The following PATJ variants were observed in gnomAD, a reference collection of about 807,000 sequenced individuals.
PATJ encodes the protein inaD-like protein.
PATJ carries 190 observed loss-of-function variants against 224.9 expected under a neutral mutation model. The ratio of observed to expected loss-of-function variants is 0.84; its 90% CI spans 0.75 to 0.95. PATJ has a LOEUF of 0.95. Among genes scored for constraint, PATJ ranks in the 40% least tolerant of loss-of-function variants. The pLI, the probability that PATJ is intolerant of heterozygous loss-of-function variation, is 0.00. For missense variants in PATJ, 2,121 were observed against 2,270.3 expected (o/e 0.93, Z 1.34); for synonymous variants, 769 against 820.3 (o/e 0.94, Z 1.07).
chr1:62,021,585 T>G (rs1647085503), intron 29 of PATJ, among the ~76,000 whole-genome samples: 1 of 152,200 alleles, frequency 6.6e-6, no homozygotes, highest in Non-Finnish European at 1.5e-5. Flanking sequence ...ATTTTGTGGA[T>G]TAAAAATATA....
intron 30 of PATJ, chr1:62,038,901 A>G: frequency 1.1e-6 from 1 of 885,838 alleles, no homozygotes; most frequent in Middle Eastern, 3.1e-4. Context: ...CCATTGTTGG[A>G]GTCCTGTGCA....
In PATJ at chr1:61,822,571, T is replaced by G. The variant is rs554107202; in HGVS notation, c.1684-374T>G. On this transcript the variant is annotated intron_variant, in intron 14 of 43. Transcript: ENST00000642238. ...TTCCTGCCATGGTATTTAGTGTGAGTAGAAGTTAATTAGATAATAAAGAAA... is the reference window on the plus strand; with the variant it reads ...TTCCTGCCATGGTATTTAGTGTGAGGAGAAGTTAATTAGATAATAAAGAAA... 6.6e-5 allele frequency among the ~76,000 whole-genome samples: 10 copies of G among 151,728 alleles called. No individual in the cohort carries two copies. In the East Asian group the frequency reaches 1.9e-3, roughly 29 times the overall value.
intron 16 of PATJ, among the ~76,000 whole-genome samples, chr1:61,827,803 A>G (rs915257798): frequency 2.0e-5 from 3 of 152,166 alleles, no homozygotes; most frequent in Non-Finnish European, 4.4e-5. Flanking sequence ...ATTGATGCAC[A>G]TGGATTTTGA....
chr1:61,896,888 C>T (rs1197687497), intron 22 of PATJ, among the ~76,000 whole-genome samples: 1 of 152,132 alleles, frequency 6.6e-6, no homozygotes, highest in Non-Finnish European at 1.5e-5. Flanking sequence ...TGAAGCTTCC[C>T]CAGCCATGTG....
At chr1:62,144,777 A>AAAAAAATATATATATATATATATATAT (rs377489788) in intron 41 of PATJ, among the ~76,000 whole-genome samples, 2 of 119,098 alleles carry the variant, frequency 1.7e-5, no homozygotes, top group Non-Finnish European at 3.3e-5. Flanking sequence ...AAAAAAAAAA[A>AAAAAAATATATATATATATATATATAT]ATATATATAT....
intron 5 of PATJ, 98 bp downstream of exon 5, chr1:61,769,520 G>GT: frequency 1.5e-6 from 2 of 1,322,140 alleles, no homozygotes; most frequent in Non-Finnish European, 2.1e-6. Flanking sequence ...AACAGTAACA[G>GT]TAACAGCTAA....
In PATJ at chr1:62,101,313, G is replaced by T. The variant is rs1386533645; in HGVS notation, c.4378-7124G>T. ...GAGTCTCGCTCTGTCACCCAGGCTG[G>T]AGTGCAGTGACACAGTCTCGGCTCA... On this transcript the variant is annotated intron_variant, in intron 33 of 43. Transcript: ENST00000642238. Among the ~76,000 whole-genome samples the T allele has an allele frequency of 3.4e-5, 5 of 149,010 alleles. 1 individual carries two copies. Among genetic ancestry groups the T allele is most frequent in the Non-Finnish European group, 5.9e-5 (4 of 67,568 alleles).
chr1:62,083,855 C>T (rs1033171117), intron 32 of PATJ, among the ~76,000 whole-genome samples: 9 of 152,136 alleles, frequency 5.9e-5, no homozygotes, highest in Non-Finnish European at 8.8e-5. Flanking sequence ...CTCAGAATCT[C>T]CTGTTATACC....
intron 18 of PATJ, among the ~76,000 whole-genome samples, chr1:61,860,641 C>T (rs1194650743): frequency 6.6e-6 from 1 of 152,114 alleles, no homozygotes; most frequent in East Asian, 1.9e-4. Flanking sequence ...GCCTGCCCAA[C>T]ATGGCGAAAC....
intron 27 of PATJ, among the ~76,000 whole-genome samples, chr1:61,958,638 A>G (rs1680778634): frequency 6.6e-6 from 1 of 152,106 alleles, no homozygotes; most frequent in Admixed American, 6.6e-5. Context: ...GACCCTATAT[A>G]CGGCCTCAAA....
Position 62,143,438 on chromosome 1 carries a change from A to ATTTT in PATJ, c.5272-4819_5272-4816dup, listed in dbSNP as rs34127211. On this transcript the variant is annotated intron_variant, in intron 41 of 43. Transcript: ENST00000642238. ...TTGGATATCACAGACTAAGCTGGGA[A>ATTTT]TTTTTTTTTTTTTTTTTTTTTTTTT... is the stretch of plus-strand genomic sequence containing the variant. Among the ~76,000 whole-genome samples, 17 of 74,326 alleles carry ATTTT rather than the reference A, an allele frequency of 2.3e-4. 1 individual carries two copies. Among genetic ancestry groups the ATTTT allele is most frequent in the African/African-American group, 8.1e-4 (14 of 17,234 alleles). The allele number at this position is 74,326 out of a possible 152,430, so 48.8% of individuals were successfully genotyped here. A position where few individuals can be genotyped will look rare whatever the true frequency, so the allele number is the denominator to read the frequency against.
chr1:62,144,380 C>T (rs974524883), intron 41 of PATJ, among the ~76,000 whole-genome samples: 4 of 152,178 alleles, frequency 2.6e-5, no homozygotes, highest in Admixed American at 1.3e-4. Flanking sequence ...TTTTTCTGCT[C>T]TACTTAACAG....
chr1:61,743,916 AG>A (rs1216605097), intron 1 of PATJ, among the ~76,000 whole-genome samples: 1 of 152,000 alleles, frequency 6.6e-6, no homozygotes, highest in East Asian at 1.9e-4. Context: ...TTATTGGCAA[AG>A]TAAGTGCAGA....
chr1:61,963,724 GT>G (rs1158375906), intron 27 of PATJ, among the ~76,000 whole-genome samples: 2 of 152,162 alleles, frequency 1.3e-5, no homozygotes, highest in Non-Finnish European at 2.9e-5. Context: ...AAGAGGCAGG[GT>G]TGGTCTTGCT....
intron 20 of PATJ, chr1:61,865,548 G>A (rs1665283174): frequency 6.6e-6 from 1 of 151,992 alleles, no homozygotes; most frequent in East Asian, 1.9e-4. Flanking sequence ...CCAGCGAAGA[G>A]CATTATATTT....
At position 62,128,927 on chromosome 1, in the gene PATJ, C is replaced by G. The variant is rs41305852; in HGVS notation, c.5253C>G (p.Tyr1751Ter). Residue 1751 changes from tyrosine to a stop codon, truncating the protein, a stop_gained, in exon 41 of 44, where the codon TAC becomes TAG. Coordinates refer to ENST00000642238, the MANE Select transcript of PATJ (RefSeq NM_001350145.3). LOFTEE classifies it high-confidence loss of function. ...TGGTTAATCTGCTGAAGAACGCCTA[C>G]GGGCGCATTATCCTGCAGGTATTGC... The part of the protein sequence containing the change: ...ADVVNLLKNA[Y>*]GRIILQVVAD... The G allele has an allele frequency of 1.9e-6, 3 of 1,610,120 alleles. No individual in the cohort carries two copies. In the South Asian group the frequency reaches 3.3e-5, roughly 18 times the overall value.
intron 42 of PATJ, among the ~76,000 whole-genome samples, chr1:62,149,622 A>C (rs2149034170): frequency 6.6e-6 from 1 of 152,194 alleles, no homozygotes; most frequent in Non-Finnish European, 1.5e-5. Context: ...AAAAAAAAAA[A>C]ATCAGGACCT....
intron 34 of PATJ, among the ~76,000 whole-genome samples, chr1:62,112,072 A>G (rs1417774395): frequency 6.6e-6 from 1 of 152,174 alleles, no homozygotes; most frequent in African/African-American, 2.4e-5. Flanking sequence ...AGGCTTTTAA[A>G]CATTTGGTTG....
At chr1:62,046,866 T>A (rs1652666575) in intron 30 of PATJ, among the ~76,000 whole-genome samples, 1 of 151,870 alleles carries the variant, frequency 6.6e-6, no homozygotes. Flanking sequence ...TAGAGAGTAT[T>A]TTTTGTTTCT....
Sources: allele counts gnomAD v4.1 joint callset (sites outside exome capture counted in the v4.1 genomes callset), GRCh38; gene constraint gnomAD v4.1.1; transcripts MANE v1.5; gene names NCBI Gene and HGNC (gene_info 2026-07-23, HGNC 2026-07-21).